The following DHX37 variants were observed in gnomAD, a reference collection of about 807,000 sequenced individuals.
The protein encoded by DHX37 is DEAH-box helicase 37, also known as probable ATP-dependent RNA helicase DHX37.
A neutral mutation model predicts 134.3 loss-of-function variants in DHX37; 52 were observed. The ratio of observed to expected loss-of-function variants is 0.39; its 90% CI spans 0.31 to 0.49. The LOEUF (loss-of-function observed/expected upper bound fraction) is 0.49, where lower values mean the gene tolerates loss of function less well. DHX37 is among the 20% of genes least tolerant of loss of function. The probability of loss-of-function intolerance (pLI) is 0.93; values close to 1 mark genes in which losing one functional copy is unlikely to be tolerated. For missense variants in DHX37, 1,344 were observed against 1,580.8 expected (o/e 0.85, Z 2.54); for synonymous variants, 634 against 670.7 (o/e 0.95, Z 0.85).
In DHX37 at chr12:124,967,437, T is replaced by C. The variant is rs546152435; in HGVS notation, c.1409-219A>G. 2.0e-4 allele frequency among the ~76,000 whole-genome samples: 31 copies of C among 152,222 alleles called. 1 individual carries two copies. The South Asian group carries it at 6.2e-3, about 31-fold the overall frequency. ...ACGGCGACTGCACAGCCCAGCAGCA[T>C]CACTCCCAGGAACAGACCCAAAAGC... is the stretch of plus-strand genomic sequence containing the variant. On this transcript the variant is annotated intron_variant, in intron 10 of 26. Transcript: ENST00000308736.
At position 124,964,408 on chromosome 12, in the gene DHX37, G is replaced by A. The variant is rs374653994; in HGVS notation, c.2031C>T (p.Pro677=). ...QRAGRAGRTE[P]GHCYRLYSSA... is the part of the protein sequence containing the mutation. Reference sequence around the variant, plus strand: ...GGGTGACCCACCTGTAGCAGTGGCCGGGCTCCGTCCGTCCTGCTCTGCCCG... The same window carrying A: ...GGGTGACCCACCTGTAGCAGTGGCCAGGCTCCGTCCGTCCTGCTCTGCCCG... Residue 677 remains proline, a synonymous_variant, in exon 15 of 27, where the codon CCC becomes CCT. Coordinates refer to ENST00000308736, the MANE Select transcript of DHX37 (RefSeq NM_032656.4). 29 of 1,613,494 alleles carry A rather than the reference G, an allele frequency of 1.8e-5. No individual in the cohort carries two copies. In the East Asian group the frequency reaches 2.2e-4, roughly 12 times the overall value.
Position 124,989,127 on chromosome 12 carries a change from G to T in DHX37, c.-105C>A, listed in dbSNP as rs1954932702. 2.9e-6 allele frequency: 2 copies of T among 689,510 alleles called. No individual in the cohort carries two copies. The highest frequency in any genetic ancestry group is 2.1e-6 in the Non-Finnish European group (1 of 486,198). The allele number at this position is 689,510 out of a possible 1,614,324, so 42.7% of individuals were successfully genotyped here. A position where few individuals can be genotyped will look rare whatever the true frequency, so the allele number is the denominator to read the frequency against. On this transcript the variant is annotated 5_prime_UTR_variant, in exon 1 of 27. Transcript: ENST00000308736. ...CACCAACTCCGGCCGTGAGACTTCC[G>T]GGTTGTGTTATCGCGAGAACTGTAA...
At chr12:124,964,781 C>T in intron 14 of DHX37, 149 bp downstream of exon 14, 2 of 1,444,762 alleles carry the variant, frequency 1.4e-6, no homozygotes, top group Non-Finnish European at 1.9e-6. Context: ...GGGAGGGTTC[C>T]CTATTCTCCA....
Position 124,950,132 on chromosome 12 carries a change from G to A in DHX37, c.3216+17C>T, listed in dbSNP as rs1566320018. The A allele has an allele frequency of 1.2e-6, 2 of 1,613,852 alleles. No individual in the cohort carries two copies. The highest frequency in any genetic ancestry group is 1.3e-5 in the African/African-American group (1 of 74,946). ...ACGGTACCCGAGATGAGGGTCTGGA[G>A]CCGCTGTGCCACCTACCTGCCCTTC... is the stretch of plus-strand genomic sequence containing the variant. On this transcript the variant is annotated intron_variant, in intron 24 of 26. Coordinates refer to ENST00000308736, the MANE Select transcript of DHX37 (RefSeq NM_032656.4).
rs4603399 is a variant in DHX37, at chr12:124,980,059, C to A, written c.738+431G>T. Among the ~76,000 whole-genome samples, 114,252 of 152,202 alleles carry A rather than the reference C, an allele frequency of 0.75. 43,349 individuals carry two copies. Among genetic ancestry groups the A allele is most frequent in the East Asian group, 1 (5,171 of 5,186 alleles). ...CTCATTGTACCAGGAAGGAAACAGG[C>A]ACAGAGAGGGGGAGCCCCTTCAGTA... On this transcript the variant is annotated intron_variant, in intron 4 of 26. Transcript: ENST00000308736. The surrounding 1 kb of genome is among the most constrained non-coding windows in gnomAD (Gnocchi z 5.3).
chr12:124,967,208 C>T lies in DHX37; in HGVS notation c.1419G>A (p.Leu473=), dbSNP rs768546300. 1 of 1,613,846 alleles carries T rather than the reference C, an allele frequency of 6.2e-7. No homozygotes were observed. The highest frequency in any genetic ancestry group is 8.5e-7 in the Non-Finnish European group (1 of 1,180,002). Residue 473 remains leucine (L), a synonymous_variant, in exon 11 of 27, where the codon CTG becomes CTA. Transcript: ENST00000308736. ...CCTCAGCCTGCCCCGTCAGGAACAC[C>T]AGGATGCCACCTGTGGAAAGAATGG... The part of the protein sequence containing the change: ...IHRMLPAGGI[L]VFLTGQAEVH...
intron 2 of DHX37, 70 bp downstream of exon 2, chr12:124,986,026 G>A (rs908349817): frequency 1.9e-6 from 3 of 1,570,158 alleles, no homozygotes; most frequent in South Asian, 1.1e-5. Flanking sequence ...ACACCCTCAG[G>A]AGGAGAGAGA....
chr12:124,966,797 G>A lies in DHX37; in HGVS notation c.1586C>T (p.Ala529Val), dbSNP rs1374488715. The change falls in exon 12 of 27, where the codon GCT becomes GTT. Residue 529 changes from alanine (A) to valine (V), a missense_variant. Ala to Val is a moderately conservative substitution (Grantham distance 64, BLOSUM62 0). This residue lies in a region of DHX37 where 289 missense variants were observed against 323.8 expected (regional missense o/e 0.89). Transcript: ENST00000308736. Reference protein sequence around the residue: ...KSRARAKKARAEVLPQINLDH... With the variant: ...KSRARAKKARVEVLPQINLDH... ...CCCTGCCAGCCCCCCACGTACCTCA[G>A]CCCGCGCCTTCTTGGCCCTGGCCCT... is the stretch of plus-strand genomic sequence containing the variant. 6.2e-7 allele frequency: 1 copy of A among 1,614,084 alleles called. No homozygotes were observed. Among genetic ancestry groups the A allele is most frequent in the Admixed American group, 1.7e-5 (1 of 59,998 alleles).
At chr12:124,952,351 A>G (rs4502074) in intron 21 of DHX37, 47 bp downstream of exon 21, 925,213 of 1,541,414 alleles carry the variant, frequency 0.6, 281,965 homozygotes, top group East Asian at 0.83. Flanking sequence ...CCTGCCCCTC[A>G]CCAGGTGCCC....
intron 8 of DHX37, among the ~76,000 whole-genome samples, chr12:124,969,919 G>GA (rs58228552): frequency 1.3e-5 from 2 of 148,606 alleles, no homozygotes; most frequent in Admixed American, 1.3e-4. Context: ...ACCCTGCCTC[G>GA]AAAAAAAAAA....
chr12:124,954,143 C>T lies in DHX37; in HGVS notation c.2522G>A (p.Arg841Lys). ...SKRARVAQMKRTWAGQGASLK... is the reference protein window; with the variant it reads ...SKRARVAQMKKTWAGQGASLK... ...AGAAGCCCCCTGCCCTGCCCAGGTC[C>T]TCTTCATCTGGGCCACCCGGGCCCG... Residue 841 changes from arginine to lysine, a missense_variant, in exon 19 of 27, where the codon AGG becomes AAG. Transcript: ENST00000308736. 6.2e-7 allele frequency: 1 copy of T among 1,612,762 alleles called. No homozygotes were observed. The highest frequency in any genetic ancestry group is 8.5e-7 in the Non-Finnish European group (1 of 1,179,502).
chr12:124,969,319 G>T (rs535701787), intron 8 of DHX37, among the ~76,000 whole-genome samples: 5 of 152,154 alleles, frequency 3.3e-5, no homozygotes, highest in African/African-American at 4.8e-5. Context: ...TGGGGTCTGT[G>T]GGGGGTGGGA....
chr12:124,982,135 C>CAA (rs113891297), intron 3 of DHX37, among the ~76,000 whole-genome samples: 3,327 of 144,464 alleles, frequency 0.023, 113 homozygotes, highest in African/African-American at 0.079. Context: ...AAAAAAAAAA[C>CAA]AAAAAAAAAC....
intron 4 of DHX37, among the ~76,000 whole-genome samples, 183 bp from the exon 5 acceptor site, chr12:124,977,673 T>C (rs1310739786): frequency 6.6e-6 from 1 of 151,994 alleles, no homozygotes; most frequent in Non-Finnish European, 1.5e-5. Context: ...AGGGATCACA[T>C]CCTTCAGGAC....
At position 124,975,893 on chromosome 12, in the gene DHX37, G is replaced by A. The variant is rs1009323397; in HGVS notation, c.888-382C>T. On this transcript the variant is annotated intron_variant, in intron 5 of 26. Transcript: ENST00000308736. The stretch of plus-strand genomic sequence containing the variant: ...CACAGACCTGCAGCTGCTCTCCCTC[G>A]AAAGGCTGCTGACGGGGCTGGCCCT... Among the ~76,000 whole-genome samples, 2 of 152,192 alleles carry A rather than the reference G, an allele frequency of 1.3e-5. 1 individual carries two copies. Among genetic ancestry groups the A allele is most frequent in the South Asian group, 4.1e-4 (2 of 4,832 alleles).
chr12:124,975,338 T>C, intron 6 of DHX37, 81 bp downstream of exon 6: 1 of 1,421,738 alleles, frequency 7.0e-7, no homozygotes. Context: ...CAGATGCTGC[T>C]CACCTCCTCC....
At chr12:124,956,937 G>A (rs1954110158) in intron 17 of DHX37, 58 bp from the exon 18 acceptor site, 1 of 1,542,746 alleles carries the variant, frequency 6.5e-7, no homozygotes, top group Non-Finnish European at 8.8e-7. Flanking sequence ...CCACAGCTGG[G>A]AGGCCCCACG....
Position 124,980,688 on chromosome 12 carries a change from G to GTCCAGCTCCGACTCCTCC in DHX37, c.522_539dup (p.Glu174_Leu179dup). On this transcript the variant is annotated inframe_insertion, in exon 4 of 27. Coordinates refer to ENST00000308736, the MANE Select transcript of DHX37 (RefSeq NM_032656.4). This position sits in a 1 kb window ranked among gnomAD's most constrained non-coding sequence, Gnocchi z 5.3. Reference sequence around the variant, plus strand: ...CAGCCGGCTCAGCAGCTGGGTCCTCGTCCAGCTCCGACTCCTCCTCCAGCT... The same window carrying GTCCAGCTCCGACTCCTCC: ...CAGCCGGCTCAGCAGCTGGGTCCTCGTCCAGCTCCGACTCCTCCTCCAGCTCCGACTCCTCCTCCAGCT... 6.3e-7 allele frequency: 1 copy of GTCCAGCTCCGACTCCTCC among 1,580,164 alleles called. No individual in the cohort carries two copies. The highest frequency in any genetic ancestry group is 8.6e-7 in the Non-Finnish European group (1 of 1,164,588).
Position 124,975,525 on chromosome 12 carries a change from A to C in DHX37, c.888-14T>G. On this transcript the variant is annotated splice_polypyrimidine_tract_variant and intron_variant, in intron 5 of 26. Coordinates refer to ENST00000308736, the MANE Select transcript of DHX37 (RefSeq NM_032656.4). ...ATGCTGTCTTCACTGGGGGAGGAAG[A>C]ACATGGCCATCAACAGTGCGCGGCC... 6.2e-7 allele frequency: 1 copy of C among 1,611,610 alleles called. No homozygotes were observed. Among genetic ancestry groups the C allele is most frequent in the South Asian group, 1.1e-5 (1 of 91,066 alleles).
Sources: allele counts gnomAD v4.1 joint callset (sites outside exome capture counted in the v4.1 genomes callset), GRCh38; gene constraint gnomAD v4.1.1; regional missense constraint gnomAD v4.1.1; non-coding constraint Gnocchi (gnomAD v3.1); transcripts MANE v1.5; gene names NCBI Gene and HGNC (gene_info 2026-07-23, HGNC 2026-07-21).